PTPRT: variants seen among roughly 807,000 people sequenced by gnomAD.
PTPRT encodes the protein receptor-type tyrosine-protein phosphatase T.
A neutral mutation model predicts 176.8 loss-of-function variants in PTPRT; 56 were observed. The observed-to-expected ratio is 0.32, with a 90% CI of 0.26 to 0.40. The LOEUF is 0.40. Among genes scored for constraint, PTPRT ranks in the 10% least tolerant of loss-of-function variants. PTPRT has a pLI of 1.00. For synonymous variants in PTPRT, 783 were observed against 739.0 expected (o/e 1.06, Z -0.96); for missense variants, 1,540 against 1,908.2 (o/e 0.81, Z 3.60).
chr20:42,208,862 C>T (rs2055543268), intron 15 of PTPRT, among the ~76,000 whole-genome samples: 1 of 152,200 alleles, frequency 6.6e-6, no homozygotes, highest in African/African-American at 2.4e-5. Context: ...CACCACACCA[C>T]ACCTATTCCA....
intron 7 of PTPRT, among the ~76,000 whole-genome samples, chr20:42,555,779 C>T (rs974796819): frequency 3.9e-5 from 6 of 152,112 alleles, no homozygotes; most frequent in South Asian, 2.1e-4. Context: ...TTATGTCTAT[C>T]GTCTACCATG....
intron 9 of PTPRT, among the ~76,000 whole-genome samples, chr20:42,404,381 T>C (rs2058939795): frequency 6.6e-6 from 1 of 152,130 alleles, no homozygotes; most frequent in South Asian, 2.1e-4. Context: ...AGATCTCACC[T>C]CCACACACCC....
At chr20:42,525,645 A>C (rs2145515024) in intron 7 of PTPRT, among the ~76,000 whole-genome samples, 1 of 152,316 alleles carries the variant, frequency 6.6e-6, no homozygotes, top group Non-Finnish European at 1.5e-5. Context: ...GCCATAGTGA[A>C]AGTAAGTTGG....
intron 7 of PTPRT, among the ~76,000 whole-genome samples, chr20:42,508,141 G>GTA (rs2071883063): frequency 6.6e-6 from 1 of 150,864 alleles, no homozygotes; most frequent in South Asian, 2.1e-4. Flanking sequence ...GTGTGTGTGT[G>GTA]TGTGTGTGTA....
intron 13 of PTPRT, 72 bp from the exon 14 acceptor site, chr20:42,248,894 C>A: frequency 6.4e-7 from 1 of 1,555,088 alleles, no homozygotes; most frequent in Non-Finnish European, 8.8e-7. Flanking sequence ...ATCATAATGA[C>A]AACAGCTTCC....
At chr20:42,144,094 A>C (rs1988756253) in intron 17 of PTPRT, among the ~76,000 whole-genome samples, 1 of 152,180 alleles carries the variant, frequency 6.6e-6, no homozygotes, top group South Asian at 2.1e-4. Context: ...ATGCGTGGGA[A>C]CAGTGAGTGT....
intron 8 of PTPRT, among the ~76,000 whole-genome samples, chr20:42,458,179 C>T (rs1276157184): frequency 6.6e-6 from 1 of 152,118 alleles, no homozygotes; most frequent in South Asian, 2.1e-4. Flanking sequence ...GCCATGGCAT[C>T]GTTTTACAGT....
At chr20:43,184,917 G>A (rs777403463) in intron 1 of PTPRT, among the ~76,000 whole-genome samples, 2 of 152,026 alleles carry the variant, frequency 1.3e-5, no homozygotes, top group Non-Finnish European at 2.9e-5. Flanking sequence ...GCCTCTACTG[G>A]CAAATAAAAG....
intron 26 of PTPRT, among the ~76,000 whole-genome samples, chr20:42,100,438 C>T (rs1359299163): frequency 6.6e-6 from 1 of 152,084 alleles, no homozygotes; most frequent in African/African-American, 2.4e-5. Context: ...ATAAGGACGA[C>T]TTTTTTTTGT....
intron 9 of PTPRT, among the ~76,000 whole-genome samples, chr20:42,412,531 C>A (rs11700216): frequency 0.39 from 59,396 of 151,968 alleles, 12,922 homozygotes; most frequent in Admixed American, 0.51. Context: ...TTACATATAA[C>A]CCAGAAAATC....
chr20:42,511,331 C>T (rs912156729), intron 7 of PTPRT, among the ~76,000 whole-genome samples: 1 of 152,116 alleles, frequency 6.6e-6, no homozygotes, highest in Non-Finnish European at 1.5e-5. Flanking sequence ...ATACAACAGA[C>T]TTATCCTAGC....
chr20:42,660,843 T>C (rs549434392), intron 7 of PTPRT, among the ~76,000 whole-genome samples: 4 of 151,716 alleles, frequency 2.6e-5, no homozygotes, highest in Admixed American at 1.3e-4. Context: ...GTGTTTTTTG[T>C]TTGTTTGTTT....
At chr20:42,096,475 C>T (rs184475289) in intron 27 of PTPRT, among the ~76,000 whole-genome samples, 29 of 152,226 alleles carry the variant, frequency 1.9e-4, no homozygotes, top group East Asian at 1.7e-3. Context: ...TGTTGGCACA[C>T]GCCTGTAATC....
At chr20:42,561,362 G>C (rs77078037) in intron 7 of PTPRT, among the ~76,000 whole-genome samples, 1 of 152,202 alleles carries the variant, frequency 6.6e-6, no homozygotes, top group Non-Finnish European at 1.5e-5. Context: ...CAGCAGGGAG[G>C]TGTGTTGGGT....
intron 27 of PTPRT, among the ~76,000 whole-genome samples, chr20:42,097,156 C>T (rs1330507903): frequency 6.6e-6 from 1 of 152,116 alleles, no homozygotes; most frequent in Non-Finnish European, 1.5e-5. Flanking sequence ...AGGATTCTGT[C>T]GCTTACAAAG....
chr20:42,226,948 T>C lies in PTPRT; in HGVS notation c.2342+9281A>G, dbSNP rs369054671. Reference sequence around the variant, plus strand: ...CCAAGGAAAAACATTTTAGAGTTTATGTATTATCAGTGGGCAACAAAGTAA... The same window carrying C: ...CCAAGGAAAAACATTTTAGAGTTTACGTATTATCAGTGGGCAACAAAGTAA... On this transcript the variant is annotated intron_variant, in intron 15 of 30. Coordinates refer to ENST00000373187, the MANE Select transcript of PTPRT (RefSeq NM_007050.6). 3.3e-5 allele frequency among the ~76,000 whole-genome samples: 5 copies of C among 152,220 alleles called. No homozygotes were observed. The South Asian group carries it at 6.2e-4, about 19-fold the overall frequency.
chr20:42,903,711 T>C (rs927273810), intron 1 of PTPRT, among the ~76,000 whole-genome samples: 1 of 152,160 alleles, frequency 6.6e-6, no homozygotes, highest in Non-Finnish European at 1.5e-5. Context: ...AAGGACAGAA[T>C]ACAAAGAAGC....
chr20:42,141,851 A>G, intron 18 of PTPRT, 64 bp downstream of exon 18: 1 of 1,384,964 alleles, frequency 7.2e-7, no homozygotes, highest in Non-Finnish European at 1.0e-6. Flanking sequence ...AAATAATAGT[A>G]ATAGCCTCTT....
intron 1 of PTPRT, among the ~76,000 whole-genome samples, chr20:42,958,139 C>T (rs1307239408): frequency 1.0e-5 from 1 of 97,988 alleles, no homozygotes; most frequent in Non-Finnish European, 1.9e-5. Flanking sequence ...ATGTGTACCT[C>T]GAGAGGCTAG....
Sources: gnomAD v4.1 joint callset for allele counts (sites outside exome capture counted in the v4.1 genomes callset) on GRCh38, gnomAD v4.1.1 for gene constraint, MANE v1.5 for transcripts, NCBI Gene and HGNC (gene_info 2026-07-23, HGNC 2026-07-21) for gene names.